PGBD2: variants seen among roughly 807,000 people sequenced by gnomAD.
The protein encoded by PGBD2 is piggyBac transposable element derived 2.
In PGBD2, 6 loss-of-function variants were observed where a neutral mutation model predicts 8.1. The observed-to-expected ratio is 0.74, with a 90% CI of 0.40 to 1.46. PGBD2 has a LOEUF of 1.46. Ranked by LOEUF, PGBD2 falls within the 40% of genes most tolerant of loss-of-function variation. The pLI, the probability that PGBD2 is intolerant of heterozygous loss-of-function variation, is 0.02. For synonymous variants in PGBD2, 318 were observed against 272.2 expected (o/e 1.17, Z -1.66); for missense variants, 802 against 739.0 (o/e 1.09, Z -0.99).
intron 1 of PGBD2, among the ~76,000 whole-genome samples, 192 bp from the exon 2 acceptor site, chr1:248,913,624 G>GA (rs530387615): frequency 2.2e-3 from 340 of 152,268 alleles, no homozygotes; most frequent in Middle Eastern, 3.4e-3. Context: ...ATCTACTTTA[G>GA]AATGTATTTT....
At chr1:248,915,740 G>C (rs916061218) in intron 2 of PGBD2, among the ~76,000 whole-genome samples, 1 of 152,194 alleles carries the variant, frequency 6.6e-6, no homozygotes, top group South Asian at 2.1e-4. Context: ...CATACAGTAG[G>C]ATAACCGCAA....
At chr1:248,909,707 T>C (rs1404061412) in intron 1 of PGBD2, among the ~76,000 whole-genome samples, 1 of 152,006 alleles carries the variant, frequency 6.6e-6, no homozygotes, top group Non-Finnish European at 1.5e-5. Flanking sequence ...GCTTGATGGA[T>C]GAGAAAGACA....
chr1:248,907,247 TTC>T (rs1422971948), intron 1 of PGBD2, among the ~76,000 whole-genome samples: 2 of 152,254 alleles, frequency 1.3e-5, no homozygotes, highest in Non-Finnish European at 2.9e-5. Context: ...ACATTTATGT[TTC>T]TCTCTGCCCA....
chr1:248,894,834 G>A, the PGBD2 span, among the ~76,000 whole-genome samples: 3 of 149,688 alleles, frequency 2.0e-5, no homozygotes, highest in East Asian at 3.9e-4. Context: ...CGCTCTGATT[G>A]TCACTGGCTG....
chr1:248,882,669 AAGGG>A, the PGBD2 span, among the ~76,000 whole-genome samples: 3 of 152,116 alleles, frequency 2.0e-5, no homozygotes, highest in Non-Finnish European at 4.4e-5. Context: ...GGCTCTCCAC[AAGGG>A]TTGCATTCCA....
chr1:248,926,080 G>C, the PGBD2 span, among the ~76,000 whole-genome samples: 4 of 151,818 alleles, frequency 2.6e-5, no homozygotes, highest in East Asian at 1.9e-4. Context: ...CCTCCACCTT[G>C]CTTTTTGCAC....
downstream of PGBD2, among the ~76,000 whole-genome samples, chr1:248,923,724 G>T (rs1464956929): frequency 6.6e-6 from 1 of 152,124 alleles, no homozygotes; most frequent in Non-Finnish European, 1.5e-5. Flanking sequence ...GTTAAATTTG[G>T]CTTTTGCCAT....
chr1:248,899,787 T>C, the PGBD2 span, among the ~76,000 whole-genome samples: 3 of 138,194 alleles, frequency 2.2e-5, no homozygotes, highest in African/African-American at 9.8e-5. Context: ...TCAGGAGCTG[T>C]TTTTTTTGGG....
intron 1 of PGBD2, among the ~76,000 whole-genome samples, chr1:248,912,181 T>C (rs1473183508): frequency 1.3e-5 from 2 of 152,156 alleles, no homozygotes; most frequent in African/African-American, 4.8e-5. Context: ...CCCCTACTCC[T>C]ATAATTAATT....
At chr1:248,872,873 G>A in the PGBD2 span, among the ~76,000 whole-genome samples, 1 of 152,142 alleles carries the variant, frequency 6.6e-6, no homozygotes, top group Non-Finnish European at 1.5e-5. Flanking sequence ...ATGAGCCACC[G>A]CGCCCGGCTG....
rs1165569991 is a variant in PGBD2, at chr1:248,918,219, C to T, written c.1635C>T (p.Ser545=). The T allele has an allele frequency of 5.0e-6, 8 of 1,613,982 alleles. No homozygotes were observed. Among genetic ancestry groups the T allele is most frequent in the Non-Finnish European group, 6.8e-6 (8 of 1,180,022 alleles). Residue 545 remains serine, a synonymous_variant, in exon 3 of 3, where the codon AGC becomes AGT. Transcript: ENST00000329291. Reference sequence around the variant, plus strand: ...GAAGCAGGCGGTTGGAGACTGAGAGCCGCTTCGATATGATTGGGCACTGGA... The same window carrying T: ...GAAGCAGGCGGTTGGAGACTGAGAGTCGCTTCGATATGATTGGGCACTGGA... The part of the protein sequence containing the change: ...GRRSRRLETE[S]RFDMIGHWII...
chr1:248,874,368 T>C, the PGBD2 span, among the ~76,000 whole-genome samples: 1 of 152,176 alleles, frequency 6.6e-6, no homozygotes, highest in African/African-American at 2.4e-5. Context: ...TAGGTGATGT[T>C]CCCAGAGTCA....
downstream of PGBD2, among the ~76,000 whole-genome samples, chr1:248,921,750 A>G (rs1325770338): frequency 1.3e-5 from 2 of 152,142 alleles, no homozygotes; most frequent in African/African-American, 4.8e-5. Flanking sequence ...CACGATATTG[A>G]TTCTTCCTAT....
chr1:248,930,100 T>G, the PGBD2 span, among the ~76,000 whole-genome samples: 1 of 152,216 alleles, frequency 6.6e-6, no homozygotes, highest in African/African-American at 2.4e-5. Context: ...CTTTCACATG[T>G]TACATTCTAC....
the PGBD2 span, among the ~76,000 whole-genome samples, chr1:248,889,665 A>T: frequency 6.6e-6 from 1 of 152,104 alleles, no homozygotes; most frequent in Admixed American, 6.5e-5. Flanking sequence ...GGAGGGGAGG[A>T]AGTCTCTTAG....
intron 2 of PGBD2, among the ~76,000 whole-genome samples, chr1:248,916,374 GC>G (rs1432459813): frequency 6.6e-6 from 1 of 152,104 alleles, no homozygotes; most frequent in East Asian, 1.9e-4. Flanking sequence ...CTGCACTCCA[GC>G]CTGGGTGACA....
chr1:248,911,773 C>T (rs537508176), intron 1 of PGBD2, among the ~76,000 whole-genome samples: 250 of 151,678 alleles, frequency 1.6e-3, no homozygotes, highest in Middle Eastern at 6.9e-3. Flanking sequence ...CCCTCCCGGA[C>T]GGGGTGGCTG....
At chr1:248,910,782 TATG>T (rs1351197330) in intron 1 of PGBD2, among the ~76,000 whole-genome samples, 3 of 152,220 alleles carry the variant, frequency 2.0e-5, no homozygotes, top group African/African-American at 7.2e-5. Context: ...TACTGGAGCT[TATG>T]ATCTAATCAG....
chr1:248,915,488 G>T (rs560567408), intron 2 of PGBD2, among the ~76,000 whole-genome samples: 5 of 152,204 alleles, frequency 3.3e-5, no homozygotes, highest in African/African-American at 9.7e-5. Flanking sequence ...TAATGTAAAT[G>T]TTCTGAGCAC....
Sources: gnomAD v4.1 joint callset for allele counts (sites outside exome capture counted in the v4.1 genomes callset) on GRCh38, gnomAD v4.1.1 for gene constraint, MANE v1.5 for transcripts, NCBI Gene and HGNC (gene_info 2026-07-23, HGNC 2026-07-21) for gene names.